Variants in PLCB1 observed in about 807,000 individuals in gnomAD.
PLCB1 encodes the protein 1-phosphatidylinositol 4,5-bisphosphate phosphodiesterase beta-1.
PLCB1 carries 46 observed loss-of-function variants against 161.8 expected under a neutral mutation model. That is an observed-to-expected ratio of 0.28 (90% confidence interval 0.22 to 0.36). The LOEUF is 0.36. PLCB1 is among the 10% of genes least tolerant of loss of function. The probability of loss-of-function intolerance (pLI) is 1.00; values close to 1 mark genes in which losing one functional copy is unlikely to be tolerated. For missense variants in PLCB1, 1,016 were observed against 1,472.5 expected (o/e 0.69, Z 5.07); for synonymous variants, 517 against 503.7 (o/e 1.03, Z -0.35).
At chr20:8,406,191 A>G (rs898795584) in intron 3 of PLCB1, among the ~76,000 whole-genome samples, 1 of 152,174 alleles carries the variant, frequency 6.6e-6, no homozygotes, top group African/African-American at 2.4e-5. Context: ...AAATATGTGG[A>G]TAGAGTAATT....
intron 31 of PLCB1, among the ~76,000 whole-genome samples, chr20:8,857,711 G>C (rs545763181): frequency 2.0e-5 from 3 of 152,276 alleles, no homozygotes; most frequent in Admixed American, 6.5e-5. Flanking sequence ...CCTGACACTT[G>C]CCAATAGTTG....
intron 3 of PLCB1, among the ~76,000 whole-genome samples, chr20:8,558,029 G>A (rs543210579): frequency 6.6e-6 from 1 of 151,922 alleles, no homozygotes; most frequent in Non-Finnish European, 1.5e-5. Flanking sequence ...ATAATGGGTA[G>A]GGAGGTGGAG....
At chr20:8,361,074 G>A (rs958002597) in intron 2 of PLCB1, among the ~76,000 whole-genome samples, 5 of 152,290 alleles carry the variant, frequency 3.3e-5, no homozygotes, top group African/African-American at 9.6e-5. Context: ...GAGAAAATAC[G>A]TTGGTTACTC....
intron 2 of PLCB1, among the ~76,000 whole-genome samples, chr20:8,361,607 G>A (rs894158987): frequency 3.9e-5 from 6 of 152,122 alleles, no homozygotes; most frequent in African/African-American, 1.2e-4. Context: ...CACTGGTGTG[G>A]AGAAATGAAG....
At chr20:8,418,689 A>C (rs1394879035) in intron 3 of PLCB1, among the ~76,000 whole-genome samples, 1 of 152,180 alleles carries the variant, frequency 6.6e-6, no homozygotes. Flanking sequence ...ATTTACATTT[A>C]TATGAGGATA....
At chr20:8,338,697 G>T (rs1410024412) in intron 2 of PLCB1, among the ~76,000 whole-genome samples, 1 of 152,152 alleles carries the variant, frequency 6.6e-6, no homozygotes, top group East Asian at 1.9e-4. Context: ...AACACTCAGT[G>T]AATTTTGACA....
chr20:8,134,809 C>T (rs529502126), intron 1 of PLCB1, among the ~76,000 whole-genome samples: 1 of 151,668 alleles, frequency 6.6e-6, no homozygotes, highest in East Asian at 1.9e-4. Context: ...CAAGGAAGCC[C>T]TCCTGAAAGA....
intron 3 of PLCB1, among the ~76,000 whole-genome samples, chr20:8,377,049 G>A (rs548389754): frequency 6.6e-6 from 1 of 152,324 alleles, no homozygotes; most frequent in Admixed American, 6.5e-5. Flanking sequence ...GTCATTGAAT[G>A]AAGAGTTGGA....
intron 2 of PLCB1, among the ~76,000 whole-genome samples, chr20:8,278,256 A>T (rs919900078): frequency 1.4e-5 from 1 of 73,412 alleles, no homozygotes; most frequent in Non-Finnish European, 2.6e-5. Flanking sequence ...AGAAACAATC[A>T]TATATATAAA....
At chr20:8,644,703 TG>T (rs1268957184) in intron 4 of PLCB1, among the ~76,000 whole-genome samples, 79 of 144,790 alleles carry the variant, frequency 5.5e-4, no homozygotes, top group South Asian at 1.3e-3. Context: ...GGGAGGGAGG[TG>T]GGGGGGTCAG....
intron 3 of PLCB1, among the ~76,000 whole-genome samples, chr20:8,547,159 C>T (rs1366490659): frequency 1.4e-5 from 2 of 145,344 alleles, no homozygotes; most frequent in Non-Finnish European, 3.1e-5. Flanking sequence ...GTAATAAAGC[C>T]AGCTCATTGT....
chr20:8,689,051 C>T (rs560993580), intron 10 of PLCB1, among the ~76,000 whole-genome samples: 1 of 148,846 alleles, frequency 6.7e-6, no homozygotes, highest in African/African-American at 2.5e-5. Flanking sequence ...CTTGTAGAAG[C>T]CTTTTGACTC....
chr20:8,614,322 G>C (rs1036031900), intron 3 of PLCB1, among the ~76,000 whole-genome samples: 1 of 151,510 alleles, frequency 6.6e-6, no homozygotes, highest in Non-Finnish European at 1.5e-5. Flanking sequence ...TATCATTCAA[G>C]TATTCAATTA....
At chr20:8,293,617 T>G (rs1983486441) in intron 2 of PLCB1, among the ~76,000 whole-genome samples, 1 of 151,980 alleles carries the variant, frequency 6.6e-6, no homozygotes, top group Non-Finnish European at 1.5e-5. Context: ...TAAGCAGTTT[T>G]TTTTTTAGCA....
In PLCB1 at chr20:8,829,532, C is replaced by T. The variant is rs544676456; in HGVS notation, c.3423+39271C>T. On this transcript the variant is annotated intron_variant, in intron 31 of 31. Coordinates refer to ENST00000338037, the MANE Select transcript of PLCB1 (RefSeq NM_015192.4). ...TCTGTACATCCTCAGTTAAGAGATG[C>T]TTTCTGGAGTGTTTTGTAGATGGAT... 1.4e-3 allele frequency among the ~76,000 whole-genome samples: 218 copies of T among 152,288 alleles called. 1 individual carries two copies. The highest frequency in any genetic ancestry group is 5.0e-3 in the African/African-American group (206 of 41,556).
intron 10 of PLCB1, among the ~76,000 whole-genome samples, chr20:8,689,381 A>G (rs1391487005): frequency 2.0e-5 from 3 of 152,074 alleles, no homozygotes; most frequent in African/African-American, 7.2e-5. Flanking sequence ...CAGTACTATG[A>G]TGAAGAAGGG....
intron 31 of PLCB1, among the ~76,000 whole-genome samples, chr20:8,797,927 C>CCA (rs1257575206): frequency 6.6e-6 from 1 of 152,156 alleles, no homozygotes; most frequent in Non-Finnish European, 1.5e-5. Flanking sequence ...GGCATGGTGG[C>CCA]TTATGTCTGT....
At chr20:8,224,579 C>G (rs6055667) in intron 2 of PLCB1, among the ~76,000 whole-genome samples, 1 of 151,980 alleles carries the variant, frequency 6.6e-6, no homozygotes, top group Non-Finnish European at 1.5e-5. Context: ...GTAATCATCA[C>G]GCAGCATATC....
intron 26 of PLCB1, among the ~76,000 whole-genome samples, chr20:8,772,982 A>T (rs1404827862): frequency 6.6e-6 from 1 of 152,218 alleles, no homozygotes; most frequent in African/African-American, 2.4e-5. Context: ...TAACTATGTC[A>T]TGCCAAGAGG....
Sources: allele counts gnomAD v4.1 joint callset (sites outside exome capture counted in the v4.1 genomes callset), GRCh38; gene constraint gnomAD v4.1.1; transcripts MANE v1.5; gene names NCBI Gene and HGNC (gene_info 2026-07-23, HGNC 2026-07-21).